The following CTNND2 variants were observed in gnomAD, a reference collection of about 807,000 sequenced individuals.
CTNND2 encodes the protein catenin delta-2.
A neutral mutation model predicts 144.4 loss-of-function variants in CTNND2; 22 were observed. The observed-to-expected ratio is 0.15, with a 90% CI of 0.11 to 0.22. The LOEUF (loss-of-function observed/expected upper bound fraction) is 0.22, where lower values mean the gene tolerates loss of function less well. CTNND2 is among the 10% of genes least tolerant of loss of function. The pLI is 1.00. For missense variants in CTNND2, 1,353 were observed against 1,618.8 expected (o/e 0.84, Z 2.82); for synonymous variants, 751 against 695.6 (o/e 1.08, Z -1.25).
chr5:11,834,945 C>A (rs1271888980), intron 1 of CTNND2, among the ~76,000 whole-genome samples: 1 of 152,140 alleles, frequency 6.6e-6, no homozygotes. Context: ...GTTTGAGCAG[C>A]CTGGCCAACA....
At chr5:11,180,107 G>A (rs1004546578) in intron 11 of CTNND2, among the ~76,000 whole-genome samples, 1 of 152,158 alleles carries the variant, frequency 6.6e-6, no homozygotes, top group East Asian at 1.9e-4. Flanking sequence ...TGTTGAGGGA[G>A]GGACCTGGTG....
chr5:11,751,269 G>A (rs1176069071), intron 1 of CTNND2, among the ~76,000 whole-genome samples: 1 of 151,796 alleles, frequency 6.6e-6, no homozygotes, highest in Non-Finnish European at 1.5e-5. Context: ...GGGTACATAT[G>A]CAGGTTTGTA....
chr5:11,562,317 T>C (rs1164704567), intron 3 of CTNND2, among the ~76,000 whole-genome samples: 1 of 152,218 alleles, frequency 6.6e-6, no homozygotes, highest in African/African-American at 2.4e-5. Flanking sequence ...GTTCTATTTT[T>C]GTTTAAATAT....
intron 10 of CTNND2, among the ~76,000 whole-genome samples, chr5:11,229,843 A>G (rs1019578381): frequency 4.6e-5 from 7 of 151,718 alleles, no homozygotes; most frequent in African/African-American, 1.7e-4. Context: ...CTCTTTTTGT[A>G]TAACTGTCTG....
intron 3 of CTNND2, among the ~76,000 whole-genome samples, chr5:11,551,195 C>T (rs1161586605): frequency 1.3e-5 from 2 of 152,124 alleles, no homozygotes; most frequent in African/African-American, 4.8e-5. Context: ...TTACCCAACA[C>T]CAGTGTACCC....
At chr5:11,477,016 G>A (rs1450067332) in intron 3 of CTNND2, among the ~76,000 whole-genome samples, 1 of 152,160 alleles carries the variant, frequency 6.6e-6, no homozygotes, top group African/African-American at 2.4e-5. Context: ...ACTTGACAAA[G>A]AAAATAATAG....
chr5:11,702,637 G>T (rs533405974), intron 2 of CTNND2, among the ~76,000 whole-genome samples: 1 of 152,302 alleles, frequency 6.6e-6, no homozygotes, highest in African/African-American at 2.4e-5. Context: ...CCAGCACAAG[G>T]ATTGCTACAC....
chr5:11,714,110 G>A (rs1786205968), intron 2 of CTNND2, among the ~76,000 whole-genome samples: 1 of 152,220 alleles, frequency 6.6e-6, no homozygotes, highest in South Asian at 2.1e-4. Context: ...TAAAGAGAAA[G>A]TGAAAGATAT....
chr5:11,295,502 C>T (rs936343765), intron 9 of CTNND2, among the ~76,000 whole-genome samples: 3 of 152,038 alleles, frequency 2.0e-5, no homozygotes, highest in African/African-American at 4.8e-5. Flanking sequence ...TGTATGGAAC[C>T]AAAAAAGAGC....
intron 11 of CTNND2, among the ~76,000 whole-genome samples, chr5:11,181,173 T>A (rs1402945524): frequency 3.9e-5 from 6 of 152,078 alleles, no homozygotes; most frequent in African/African-American, 1.4e-4. Context: ...GGAGCCATTA[T>A]TTGACTCGCC....
chr5:11,811,338 G>A (rs12108928), intron 1 of CTNND2, among the ~76,000 whole-genome samples: 15,143 of 152,082 alleles, frequency 0.1, 1,781 homozygotes, highest in African/African-American at 0.28. Flanking sequence ...TCCCGTGCTC[G>A]GTATAATGGG....
chr5:11,800,020 T>C (rs759066039), intron 1 of CTNND2, among the ~76,000 whole-genome samples: 2 of 152,204 alleles, frequency 1.3e-5, no homozygotes, highest in Non-Finnish European at 2.9e-5. Context: ...AGCCACTTAC[T>C]ACTTTAACTA....
rs767503979 is a variant in CTNND2 at position 11,346,531 on chromosome 5, C to G, written c.1469G>C (p.Ser490Thr). Residue 490 changes from serine (S) to threonine (T), a missense_variant, in exon 9 of 22, where the codon AGC becomes ACC. Coordinates refer to ENST00000304623, the MANE Select transcript of CTNND2 (RefSeq NM_001332.4). ...NAAAATFQRASYAAGPASNYA... is the reference protein window; with the variant it reads ...NAAAATFQRATYAAGPASNYA... ...ATTGGAGGCTGGGCCGGCGGCATAG[C>G]TGGCCCTCTGGAAGGTGGCCGCGGC... The G allele has an allele frequency of 1.2e-5, 19 of 1,604,996 alleles. No individual in the cohort carries two copies. The highest frequency in any genetic ancestry group is 1.6e-5 in the Non-Finnish European group (19 of 1,176,068).
intron 1 of CTNND2, among the ~76,000 whole-genome samples, chr5:11,734,072 G>A (rs929890675): frequency 6.6e-6 from 1 of 152,116 alleles, no homozygotes; most frequent in African/African-American, 2.4e-5. Context: ...CAGCAATAAG[G>A]CATCATCTAT....
chr5:11,090,786 G>GT (rs1160789151), intron 15 of CTNND2, among the ~76,000 whole-genome samples: 1 of 150,584 alleles, frequency 6.6e-6, no homozygotes, highest in Non-Finnish European at 1.5e-5. Context: ...ATTGAGCCCA[G>GT]TAAGTTCAGC....
intron 11 of CTNND2, among the ~76,000 whole-genome samples, chr5:11,179,993 C>G (rs142538596): frequency 6.6e-6 from 1 of 152,184 alleles, no homozygotes; most frequent in Admixed American, 6.5e-5. Flanking sequence ...ATTGAGGGAT[C>G]GCTGAGGCTA....
At chr5:11,779,567 CA>C (rs375625610) in intron 1 of CTNND2, among the ~76,000 whole-genome samples, 1 of 152,308 alleles carries the variant, frequency 6.6e-6, no homozygotes, top group African/African-American at 2.4e-5. Flanking sequence ...GGAATTATGA[CA>C]TGGGTTGGTA....
At chr5:11,286,171 T>C (rs1460659069) in intron 9 of CTNND2, among the ~76,000 whole-genome samples, 1 of 152,062 alleles carries the variant, frequency 6.6e-6, no homozygotes, top group Non-Finnish European at 1.5e-5. Context: ...CATGATACTA[T>C]GAACTTCATA....
chr5:11,183,368 C>T (rs1298369690), intron 11 of CTNND2, among the ~76,000 whole-genome samples: 1 of 152,152 alleles, frequency 6.6e-6, no homozygotes, highest in Non-Finnish European at 1.5e-5. Flanking sequence ...ACATGCCCCT[C>T]CACCCATACG....
Sources: allele counts gnomAD v4.1 joint callset (sites outside exome capture counted in the v4.1 genomes callset), GRCh38; gene constraint gnomAD v4.1.1; transcripts MANE v1.5; gene names NCBI Gene and HGNC (gene_info 2026-07-23, HGNC 2026-07-21).